Variants in FAF1 observed in about 807,000 individuals in gnomAD.
FAF1 encodes Fas associated factor 1, also known as FAS-associated factor 1.
In FAF1, 25 loss-of-function variants were observed where a neutral mutation model predicts 92.5. The ratio of observed to expected loss-of-function variants is 0.27; its 90% confidence interval spans 0.20 to 0.38. FAF1 has a LOEUF of 0.38. Ranked by LOEUF, FAF1 falls within the 10% of genes least tolerant of loss-of-function variation. The pLI, the probability that FAF1 is intolerant of heterozygous loss-of-function variation, is 1.00. For missense variants in FAF1, 636 were observed against 793.3 expected (o/e 0.80, Z 2.38); for synonymous variants, 234 against 273.2 (o/e 0.86, Z 1.42).
At chr1:50,941,280 G>A (rs557413625) in intron 1 of FAF1, among the ~76,000 whole-genome samples, 71 of 152,274 alleles carry the variant, frequency 4.7e-4, no homozygotes, top group African/African-American at 1.7e-3. Flanking sequence ...TGTGATCTCA[G>A]CTGACTGCAA....
chr1:50,833,280 T>C (rs944827983), intron 2 of FAF1, among the ~76,000 whole-genome samples: 4 of 152,026 alleles, frequency 2.6e-5, no homozygotes, highest in African/African-American at 7.2e-5. Flanking sequence ...AGGTCTGATA[T>C]TTGGCTAGTA....
intron 7 of FAF1, among the ~76,000 whole-genome samples, chr1:50,689,725 T>G (rs1246774107): frequency 6.6e-6 from 1 of 152,248 alleles, no homozygotes; most frequent in African/African-American, 2.4e-5. Flanking sequence ...AAATGTGGTA[T>G]GCCCACACAA....
At chr1:50,529,686 G>A (rs920946153) in intron 15 of FAF1, among the ~76,000 whole-genome samples, 2 of 152,132 alleles carry the variant, frequency 1.3e-5, no homozygotes, top group African/African-American at 4.8e-5. Context: ...CTTGTAGCTT[G>A]AGAACATGTC....
chr1:50,814,954 C>T (rs539003533), intron 2 of FAF1, among the ~76,000 whole-genome samples: 1 of 152,222 alleles, frequency 6.6e-6, no homozygotes, highest in South Asian at 2.1e-4. Flanking sequence ...TCGCTGCTGT[C>T]GCAAACAATA....
At chr1:50,913,627 G>C (rs1212362156) in intron 1 of FAF1, among the ~76,000 whole-genome samples, 1 of 152,114 alleles carries the variant, frequency 6.6e-6, no homozygotes, top group Non-Finnish European at 1.5e-5. Context: ...TCAAAATAAT[G>C]ACAATAATAT....
chr1:50,742,068 G>A (rs1659408048), intron 5 of FAF1, among the ~76,000 whole-genome samples: 1 of 152,050 alleles, frequency 6.6e-6, no homozygotes, highest in African/African-American at 2.4e-5. Flanking sequence ...CAGCACTTTG[G>A]GAGGCCAAGG....
chr1:50,841,432 T>C (rs1644255276), intron 2 of FAF1, among the ~76,000 whole-genome samples: 1 of 152,086 alleles, frequency 6.6e-6, no homozygotes, highest in South Asian at 2.1e-4. Context: ...TAGTGTAAGA[T>C]GGTGACTTTC....
chr1:50,507,068 T>G (rs1487648873), intron 15 of FAF1, among the ~76,000 whole-genome samples: 1 of 152,192 alleles, frequency 6.6e-6, no homozygotes, highest in Admixed American at 6.5e-5. Flanking sequence ...GTCAGGTTAT[T>G]CCAGGACTAC....
intron 7 of FAF1, among the ~76,000 whole-genome samples, chr1:50,660,847 G>A (rs1237949509): frequency 1.3e-5 from 2 of 152,062 alleles, no homozygotes; most frequent in Non-Finnish European, 2.9e-5. Context: ...AAAATTGGTG[G>A]AGCCATTCTG....
intron 13 of FAF1, among the ~76,000 whole-genome samples, chr1:50,543,784 T>A (rs888203744): frequency 6.6e-6 from 1 of 151,860 alleles, no homozygotes; most frequent in African/African-American, 2.4e-5. Context: ...AGAAAATGAA[T>A]GGGCAGGTAT....
At chr1:50,823,021 G>A (rs569165587) in intron 2 of FAF1, among the ~76,000 whole-genome samples, 105 of 152,170 alleles carry the variant, frequency 6.9e-4, no homozygotes, top group Non-Finnish European at 1.1e-3. Context: ...TGATCTGCCC[G>A]CCTCGGCCTC....
chr1:50,612,397 C>A, intron 8 of FAF1: 1 of 1,201,574 alleles, frequency 8.3e-7, no homozygotes, highest in South Asian at 1.5e-5. Flanking sequence ...GGAGAAACCT[C>A]ATTATTTTAG....
At chr1:50,946,092 C>T (rs1448186776) in intron 1 of FAF1, among the ~76,000 whole-genome samples, 1 of 152,242 alleles carries the variant, frequency 6.6e-6, no homozygotes, top group African/African-American at 2.4e-5. Context: ...AGCCATAAGA[C>T]ATTATGCACT....
chr1:50,602,012 C>T (rs999134623), intron 8 of FAF1, among the ~76,000 whole-genome samples: 106 of 152,092 alleles, frequency 7.0e-4, no homozygotes, highest in African/African-American at 2.2e-3. Flanking sequence ...AATATAGGTA[C>T]GACCAACTAA....
rs1200581577 is a variant in FAF1 at position 50,441,499 on chromosome 1, A to T, written c.1894T>A (p.Ser632Thr). 4 of 1,544,970 alleles carry T rather than the reference A, an allele frequency of 2.6e-6. No homozygotes were observed. In the East Asian group the frequency reaches 9.8e-5, roughly 38 times the overall value. The part of the protein sequence containing the change: ...RDVTQLDPNK[S>T]LLEVKLFPQE... ...GGGAACAACTTTACCTCCAATAATG[A>T]TTTATTTGGGTCCAGTTGAGTTACC... is the stretch of plus-strand genomic sequence containing the variant. Residue 632 changes from serine (S) to threonine (T), a missense_variant, in exon 19 of 19, where the codon TCA (serine) becomes ACA (threonine). By Grantham distance (58) the Ser-to-Thr change is moderately conservative. Around this residue, in one of 2 missense-constraint regions of FAF1, gnomAD observed 319 missense variants for 451.0 expected, o/e 0.71. Transcript: ENST00000396153.
chr1:50,917,461 G>A (rs924675051), intron 1 of FAF1, among the ~76,000 whole-genome samples: 7 of 152,104 alleles, frequency 4.6e-5, no homozygotes, highest in Admixed American at 3.3e-4. Flanking sequence ...CAATCAGAGG[G>A]CCTCAAACAT....
At chr1:50,569,846 G>A (rs1650348562) in intron 12 of FAF1, among the ~76,000 whole-genome samples, 1 of 152,064 alleles carries the variant, frequency 6.6e-6, no homozygotes, top group South Asian at 2.1e-4. Context: ...AACATGCAGA[G>A]TTCTCTATAA....
chr1:50,460,601 ATGTGTGTG>A (rs761777414), intron 18 of FAF1, among the ~76,000 whole-genome samples: 6 of 149,608 alleles, frequency 4.0e-5, no homozygotes, highest in South Asian at 4.2e-4. Context: ...ATGTATATAT[ATGTGTGTG>A]TGTGTGTGTG....
At chr1:50,756,404 C>T (rs1341899477) in intron 4 of FAF1, among the ~76,000 whole-genome samples, 4 of 152,340 alleles carry the variant, frequency 2.6e-5, no homozygotes, top group South Asian at 2.1e-4. Flanking sequence ...TAAGCCTGAA[C>T]TTTATTGTCC....
Sources: gnomAD v4.1 joint callset for allele counts (sites outside exome capture counted in the v4.1 genomes callset) on GRCh38, gnomAD v4.1.1 for gene constraint, gnomAD v4.1.1 regional missense constraint, MANE v1.5 for transcripts, NCBI Gene and HGNC (gene_info 2026-07-23, HGNC 2026-07-21) for gene names.